The following NCK2 variants were observed in gnomAD, a reference collection of about 807,000 sequenced individuals.
NCK2 encodes the protein cytoplasmic protein NCK2.
Under a neutral mutation model 33.9 loss-of-function variants are expected in NCK2, and 16 were observed. The ratio of observed to expected loss-of-function variants is 0.47; its 90% CI spans 0.32 to 0.72. NCK2 has a LOEUF of 0.72. Ranked by LOEUF, NCK2 falls within the 30% of genes least tolerant of loss-of-function variation. The pLI is 0.03. For synonymous variants in NCK2, 273 were observed against 239.9 expected, an observed-to-expected ratio of 1.14 and a Z score of -1.27; for missense variants, 418 against 537.3, an observed-to-expected ratio of 0.78 and a Z score of 2.19.
chr2:105,846,361 A>T (rs542409268), intron 2 of NCK2, among the ~76,000 whole-genome samples: 1 of 152,146 alleles, frequency 6.6e-6, no homozygotes, highest in Admixed American at 6.5e-5. Context: ...GAGTTGCTCA[A>T]TGATGAACTC....
At position 105,864,246 on chromosome 2, in the gene NCK2, G is replaced by C. The variant is rs569681912; in HGVS notation, c.226+8957G>C. Reference sequence around the variant, plus strand: ...CTTCAGGACACGACTGGAAGGGCCTGAGCCTGGCAGTGGGAGGTGGGGGAC... The same window carrying C: ...CTTCAGGACACGACTGGAAGGGCCTCAGCCTGGCAGTGGGAGGTGGGGGAC... On this transcript the variant is annotated intron_variant, in intron 3 of 4. Transcript: ENST00000233154. Among the ~76,000 whole-genome samples the C allele has an allele frequency of 7.2e-4, 110 of 152,264 alleles. 2 individuals carry two copies. Among genetic ancestry groups the C allele is most frequent in the Non-Finnish European group, 1.1e-3 (73 of 68,020 alleles).
chr2:105,869,343 C>T (rs1463671276), intron 3 of NCK2, among the ~76,000 whole-genome samples: 1 of 152,212 alleles, frequency 6.6e-6, no homozygotes, highest in African/African-American at 2.4e-5. Context: ...TGCTGCGTGT[C>T]AACACCCCGC....
chr2:105,798,892 G>A (rs1691175070), intron 1 of NCK2, among the ~76,000 whole-genome samples: 1 of 152,160 alleles, frequency 6.6e-6, no homozygotes, highest in Admixed American at 6.5e-5. Context: ...TTGAAAATCA[G>A]GAAGTTATAC....
chr2:105,867,388 A>G (rs917706899), intron 3 of NCK2, among the ~76,000 whole-genome samples: 3 of 152,228 alleles, frequency 2.0e-5, no homozygotes, highest in African/African-American at 7.2e-5. Context: ...CCCACATAAC[A>G]TGGAATCTTC....
intron 1 of NCK2, among the ~76,000 whole-genome samples, chr2:105,774,784 A>G (rs564910797): frequency 2.1e-4 from 32 of 152,266 alleles, no homozygotes; most frequent in Admixed American, 9.2e-4. Flanking sequence ...TGAAGCATTC[A>G]TTGGACACTG....
intron 2 of NCK2, among the ~76,000 whole-genome samples, chr2:105,843,261 G>A (rs972511431): frequency 3.3e-5 from 5 of 151,998 alleles, no homozygotes; most frequent in African/African-American, 9.7e-5. Context: ...TTAATAATAT[G>A]TGTGACCCAT....
chr2:105,757,920 A>C (rs943925079), intron 1 of NCK2, among the ~76,000 whole-genome samples: 1 of 152,026 alleles, frequency 6.6e-6, no homozygotes, highest in Non-Finnish European at 1.5e-5. Context: ...TCCACATGCC[A>C]GTTGTAAGCC....
At chr2:105,797,617 C>T (rs73949303) in intron 1 of NCK2, among the ~76,000 whole-genome samples, 4,519 of 152,156 alleles carry the variant, frequency 0.03, 94 homozygotes, top group African/African-American at 0.043. Context: ...CCCTGTGTGG[C>T]CTTTTGGAGA....
At chr2:105,793,754 C>T (rs1307796458) in intron 1 of NCK2, among the ~76,000 whole-genome samples, 2 of 152,232 alleles carry the variant, frequency 1.3e-5, no homozygotes, top group South Asian at 2.1e-4. Flanking sequence ...CCTTCGTGTT[C>T]TCTTGCCACG....
chr2:105,752,602 T>C (rs1376346052), intron 1 of NCK2, among the ~76,000 whole-genome samples: 4 of 152,288 alleles, frequency 2.6e-5, no homozygotes, highest in Middle Eastern at 3.4e-3. Flanking sequence ...ATAAATTGCC[T>C]AAGGGTGAAT....
intron 2 of NCK2, among the ~76,000 whole-genome samples, chr2:105,853,286 A>T (rs756294224): frequency 1.3e-5 from 2 of 152,152 alleles, no homozygotes; most frequent in Non-Finnish European, 2.9e-5. Flanking sequence ...AAAATAGTTG[A>T]TTATTTATTT....
intron 2 of NCK2, among the ~76,000 whole-genome samples, chr2:105,831,575 G>T (rs1394028733): frequency 6.6e-6 from 1 of 152,084 alleles, no homozygotes; most frequent in Non-Finnish European, 1.5e-5. Flanking sequence ...TGTATGTAGT[G>T]AAAGATAGGG....
intron 1 of NCK2, among the ~76,000 whole-genome samples, chr2:105,802,981 G>C (rs1674898537): frequency 6.6e-6 from 1 of 152,010 alleles, no homozygotes; most frequent in African/African-American, 2.4e-5. Context: ...AATACTTGTT[G>C]GATGAATTAA....
Position 105,882,059 on chromosome 2 carries a change from C to T in NCK2, c.948+10C>T, listed in dbSNP as rs1327347957. Reference sequence around the variant, plus strand: ...GGACAGCGAGTCCTCGGTAAGTGCGCTGCGCCCACAGCTCCGGCTGCAGGC... The same window carrying T: ...GGACAGCGAGTCCTCGGTAAGTGCGTTGCGCCCACAGCTCCGGCTGCAGGC... On this transcript the variant is annotated intron_variant, in intron 4 of 4. Coordinates refer to ENST00000233154, the MANE Select transcript of NCK2 (RefSeq NM_003581.5). The T allele has an allele frequency of 6.7e-7, 1 of 1,491,224 alleles. No individual in the cohort carries two copies. The highest frequency in any genetic ancestry group is 2.3e-5 in the East Asian group (1 of 42,782). The allele number at this position is 1,491,224 out of a possible 1,614,324, so 92.4% of individuals were successfully genotyped here. A position where few individuals can be genotyped will look rare whatever the true frequency, so the allele number is the denominator to read the frequency against.
chr2:105,783,358 T>G (rs992420854), intron 1 of NCK2, among the ~76,000 whole-genome samples: 2 of 152,190 alleles, frequency 1.3e-5, no homozygotes, highest in Non-Finnish European at 2.9e-5. Flanking sequence ...TGAGCTTCCT[T>G]CCTCGGAGTG....
At chr2:105,821,140 A>G (rs905544637) in intron 2 of NCK2, among the ~76,000 whole-genome samples, 8 of 152,052 alleles carry the variant, frequency 5.3e-5, no homozygotes, top group African/African-American at 1.9e-4. Context: ...TTTCAGAACA[A>G]TTTTTCCTAG....
intron 2 of NCK2, among the ~76,000 whole-genome samples, chr2:105,821,911 C>T (rs748910074): frequency 6.0e-5 from 9 of 148,994 alleles, no homozygotes; most frequent in African/African-American, 9.8e-5. Flanking sequence ...TACCAGCCCA[C>T]GTTCCTTCTG....
At chr2:105,872,916 T>C (rs1678073735) in intron 3 of NCK2, among the ~76,000 whole-genome samples, 2 of 152,248 alleles carry the variant, frequency 1.3e-5, no homozygotes, top group African/African-American at 4.8e-5. Context: ...GAGTACATTC[T>C]GATGCCCTTC....
intron 3 of NCK2, among the ~76,000 whole-genome samples, chr2:105,878,464 G>T (rs935162442): frequency 3.9e-5 from 6 of 152,208 alleles, no homozygotes; most frequent in Non-Finnish European, 5.9e-5. Context: ...TTGGAACACA[G>T]ACACACTCAG....
Sources: gnomAD v4.1 joint callset for allele counts (sites outside exome capture counted in the v4.1 genomes callset) on GRCh38, gnomAD v4.1.1 for gene constraint, MANE v1.5 for transcripts, NCBI Gene and HGNC (gene_info 2026-07-23, HGNC 2026-07-21) for gene names.